The following OSMR variants were observed in gnomAD, a reference collection of about 807,000 sequenced individuals.
The protein encoded by OSMR is oncostatin-M-specific receptor subunit beta.
A neutral mutation model predicts 99.9 loss-of-function variants in OSMR; 81 were observed. The observed-to-expected ratio is 0.81, with a 90% CI of 0.68 to 0.97. The LOEUF (loss-of-function observed/expected upper bound fraction) is 0.97. Among genes scored for constraint, OSMR ranks in the 50% least tolerant of loss-of-function variants. OSMR has a pLI of 0.00. For synonymous variants in OSMR, 406 were observed against 410.4 expected, an observed-to-expected ratio of 0.99 and a Z score of 0.13; for missense variants, 1,099 against 1,153.4, an observed-to-expected ratio of 0.95 and a Z score of 0.68.
intron 2 of OSMR, among the ~76,000 whole-genome samples, chr5:38,872,774 T>TA (rs533434027): frequency 3.9e-5 from 6 of 151,970 alleles, no homozygotes; most frequent in African/African-American, 9.7e-5. Flanking sequence ...TTTATTTGTT[T>TA]AAAAAAAATG....
At chr5:38,931,577 G>C (rs573017409) in intron 15 of OSMR, among the ~76,000 whole-genome samples, 1 of 152,314 alleles carries the variant, frequency 6.6e-6, no homozygotes, top group African/African-American at 2.4e-5. Flanking sequence ...CACCTACCAT[G>C]AAGTTTTGGC....
Position 38,885,363 on chromosome 5 carries a change from C to G in OSMR, c.718C>G (p.Pro240Ala), listed in dbSNP as rs1419834359. Residue 240 changes from proline (P) to alanine (A), a missense_variant, in exon 6 of 18, where the codon CCC becomes GCC. By Grantham distance (27) the Pro-to-Ala change is conservative. Transcript: ENST00000274276. The part of the protein sequence containing the change: ...VLFVSKVLEE[P>A]KDFSCETEDF... ...TGTATGGACAGAAGTACTTGAGGAG[C>G]CCAAGGACTTTTCTTGTGAAACCGA... The G allele has an allele frequency of 6.2e-7, 1 of 1,613,816 alleles. No homozygotes were observed. The highest frequency in any genetic ancestry group is 8.5e-7 in the Non-Finnish European group (1 of 1,179,822).
chr5:38,873,610 A>T (rs1367334126), intron 2 of OSMR, among the ~76,000 whole-genome samples: 1 of 151,988 alleles, frequency 6.6e-6, no homozygotes. Flanking sequence ...GGCAGTGTAC[A>T]GGGGCTGTAA....
intron 1 of OSMR, among the ~76,000 whole-genome samples, chr5:38,865,674 G>A (rs970698941): frequency 6.6e-6 from 1 of 152,182 alleles, no homozygotes; most frequent in African/African-American, 2.4e-5. Flanking sequence ...GCCCCCACAT[G>A]CCCACCTGAT....
intron 1 of OSMR, among the ~76,000 whole-genome samples, chr5:38,850,414 CTTTA>C (rs1314849689): frequency 2.6e-5 from 4 of 152,104 alleles, no homozygotes; most frequent in Non-Finnish European, 4.4e-5. Context: ...CCCTCTCTTC[CTTTA>C]TTTTTGTTAA....
At chr5:38,938,120 G>GA (rs1213572947), downstream of OSMR, 1 of 210,034 alleles carries the variant, frequency 4.8e-6, no homozygotes, top group Non-Finnish European at 9.7e-6. Flanking sequence ...TATTCTTACA[G>GA]AAAAAATATA....
chr5:38,916,815 A>G (rs10078067), intron 9 of OSMR, among the ~76,000 whole-genome samples: 82,529 of 151,486 alleles, frequency 0.54, 22,827 homozygotes, highest in Non-Finnish European at 0.58. Flanking sequence ...TATTCATTCA[A>G]ACGGTTTGTA....
chr5:38,906,823 A>C (rs1056263181), intron 9 of OSMR, among the ~76,000 whole-genome samples: 3 of 152,228 alleles, frequency 2.0e-5, no homozygotes, highest in Non-Finnish European at 2.9e-5. Flanking sequence ...CTTCTTTCAA[A>C]GAAATGTTCT....
intron 1 of OSMR, among the ~76,000 whole-genome samples, chr5:38,852,718 ATTTTT>A (rs61559728): frequency 7.4e-4 from 52 of 70,660 alleles, no homozygotes; most frequent in African/African-American, 2.7e-3. Flanking sequence ...TATTGTTTTC[ATTTTT>A]TTTTTTTTTT....
At chr5:38,883,720 G>A in intron 4 of OSMR, 107 bp from the exon 5 acceptor site, 1 of 1,588,062 alleles carries the variant, frequency 6.3e-7, no homozygotes, top group East Asian at 2.3e-5. Flanking sequence ...ATTTTCTCCA[G>A]GAGGTAGAAA....
At chr5:38,940,092 TATG>T (rs1747376618), downstream of OSMR, 1 of 204,908 alleles carries the variant, frequency 4.9e-6, no homozygotes, top group Non-Finnish European at 9.3e-6. Flanking sequence ...TATAGGCAGA[TATG>T]ATAAGGTATA....
At chr5:38,940,529 A>C (rs1458804044), downstream of OSMR, 1 of 232,614 alleles carries the variant, frequency 4.3e-6, no homozygotes, top group African/African-American at 2.2e-5. Flanking sequence ...TTAAATAAAC[A>C]CTTGGGTTCA....
chr5:38,848,116 T>A (rs1054978623), intron 1 of OSMR, among the ~76,000 whole-genome samples: 1 of 152,190 alleles, frequency 6.6e-6, no homozygotes, highest in African/African-American at 2.4e-5. Flanking sequence ...TGTATTTTCC[T>A]TGTGGGAAAG....
intron 1 of OSMR, among the ~76,000 whole-genome samples, chr5:38,859,523 C>G (rs549471404): frequency 6.6e-6 from 1 of 152,070 alleles, no homozygotes; most frequent in Admixed American, 6.5e-5. Context: ...ATTTTGAAGG[C>G]AGGTGTTGTG....
intron 15 of OSMR, among the ~76,000 whole-genome samples, chr5:38,928,629 C>T (rs1254474102): frequency 6.6e-6 from 1 of 152,056 alleles, no homozygotes; most frequent in Non-Finnish European, 1.5e-5. Flanking sequence ...CAGGTCCCTC[C>T]CATGACACGT....
In OSMR at chr5:38,933,517, G is replaced by A; in HGVS notation, c.*73G>A. The A allele has an allele frequency of 4.6e-6, 7 of 1,535,704 alleles. No individual in the cohort carries two copies. Among genetic ancestry groups the A allele is most frequent in the Non-Finnish European group, 6.3e-6 (7 of 1,113,306 alleles). On this transcript the variant is annotated 3_prime_UTR_variant, in exon 18 of 18. Transcript: ENST00000274276. ...CAGAGCTGGCACCCTGTCATCACCA[G>A]TGGCCTTGGTCCTTAATCCCAGTAC...
chr5:38,853,594 T>TA (rs1458734084), intron 1 of OSMR, among the ~76,000 whole-genome samples: 2 of 152,218 alleles, frequency 1.3e-5, no homozygotes, highest in Non-Finnish European at 2.9e-5. Context: ...AAAAGTGATT[T>TA]AAAATATCAC....
At chr5:38,930,605 C>A (rs1011334247) in intron 15 of OSMR, among the ~76,000 whole-genome samples, 12 of 152,122 alleles carry the variant, frequency 7.9e-5, no homozygotes, top group Non-Finnish European at 1.5e-4. Flanking sequence ...ACCAACCCAG[C>A]TGAATTATTA....
chr5:38,866,621 G>A (rs949942699), intron 1 of OSMR, among the ~76,000 whole-genome samples: 3 of 152,026 alleles, frequency 2.0e-5, no homozygotes, highest in African/African-American at 4.8e-5. Context: ...GGTGATGTCC[G>A]CAGGGCTGCA....
Sources: allele counts gnomAD v4.1 joint callset (sites outside exome capture counted in the v4.1 genomes callset), GRCh38; gene constraint gnomAD v4.1.1; transcripts MANE v1.5; gene names NCBI Gene and HGNC (gene_info 2026-07-23, HGNC 2026-07-21).